Variants in ADGRE1 observed in about 807,000 individuals in gnomAD.
The protein encoded by ADGRE1 is adhesion G protein-coupled receptor E1, also known as EGF-like module receptor 1.
Under a neutral mutation model 102.7 loss-of-function variants are expected in ADGRE1, and 82 were observed. The observed-to-expected ratio is 0.80, with a 90% CI of 0.67 to 0.96. The LOEUF (loss-of-function observed/expected upper bound fraction) is 0.96, where lower values mean the gene tolerates loss of function less well. Among genes scored for constraint, ADGRE1 ranks in the 40% least tolerant of loss-of-function variants. The pLI, the probability that ADGRE1 is intolerant of heterozygous loss-of-function variation, is 0.00. For synonymous variants in ADGRE1, 398 were observed against 399.6 expected, an observed-to-expected ratio of 1.00 and a Z score of 0.05; for missense variants, 1,032 against 1,085.3, an observed-to-expected ratio of 0.95 and a Z score of 0.69.
At chr19:6,910,589 T>TG (rs1244036538) in intron 10 of ADGRE1, among the ~76,000 whole-genome samples, 2 of 136,502 alleles carry the variant, frequency 1.5e-5, no homozygotes, top group East Asian at 4.7e-4. Flanking sequence ...TTTTTTTTTT[T>TG]GAGATGGAGT....
chr19:6,898,581 T>C (rs1973656496), intron 5 of ADGRE1: 3 of 1,493,156 alleles, frequency 2.0e-6, no homozygotes, highest in Non-Finnish European at 2.8e-6. Context: ...TTCACTGCTT[T>C]GCAAATATCA....
rs1009164706 is a variant in ADGRE1 at position 6,921,554 on chromosome 19, G to A, written c.1621-159G>A. On this transcript the variant is annotated intron_variant, in intron 13 of 20. Transcript: ENST00000312053. ...CAATGTGAGCTGCCCTATCAGATTG[G>A]CCCTCACTGCATAATGAAATACCAG... 5.3e-5 allele frequency among the ~76,000 whole-genome samples: 8 copies of A among 152,154 alleles called. No individual in the cohort carries two copies. In the East Asian group the frequency reaches 7.7e-4, roughly 15 times the overall value.
At chr19:6,898,699 T>G in intron 5 of ADGRE1, 1 of 908,786 alleles carries the variant, frequency 1.1e-6, no homozygotes, top group Non-Finnish European at 1.7e-6. Flanking sequence ...AAACTCTATC[T>G]CTTTATTATT....
At position 6,937,596 on chromosome 19, in the gene ADGRE1, A is replaced by C; in HGVS notation, c.2603A>C (p.Gln868Pro). The C allele has an allele frequency of 6.2e-7, 1 of 1,614,182 alleles. No homozygotes were observed. Among genetic ancestry groups the C allele is most frequent in the Non-Finnish European group, 8.5e-7 (1 of 1,180,032 alleles). The part of the protein sequence containing the change: ...WITGKTKPSS[Q>P]SQTSRILLSS... ...ACTGGGAAGACGAAGCCCAGCTCCCAGTCCCAGACCTCAAGGATCTTGCTG... is the reference window on the plus strand; with the variant it reads ...ACTGGGAAGACGAAGCCCAGCTCCCCGTCCCAGACCTCAAGGATCTTGCTG... The change falls in exon 20 of 21, where the codon CAG becomes CCG. Residue 868 changes from glutamine (Q) to proline (P), a missense_variant. Coordinates refer to ENST00000312053, the MANE Select transcript of ADGRE1 (RefSeq NM_001974.5).
rs371487261 is a variant in ADGRE1, at chr19:6,919,266, C to T, written c.1421-282C>T. On this transcript the variant is annotated intron_variant, in intron 12 of 20. Coordinates refer to ENST00000312053, the MANE Select transcript of ADGRE1 (RefSeq NM_001974.5). ...CAGGATGGTCTCGATCTCCTGACCTCGTGATCCACCCGCCTTGGTCTCCCA... is the reference window on the plus strand; with the variant it reads ...CAGGATGGTCTCGATCTCCTGACCTTGTGATCCACCCGCCTTGGTCTCCCA... Among the ~76,000 whole-genome samples, 21 of 150,460 alleles carry T rather than the reference C, an allele frequency of 1.4e-4. No individual in the cohort carries two copies. The East Asian group carries it at 3.1e-3, about 23-fold the overall frequency.
chr19:6,910,873 C>T (rs1974151260), intron 10 of ADGRE1, among the ~76,000 whole-genome samples: 1 of 152,040 alleles, frequency 6.6e-6, no homozygotes, highest in African/African-American at 2.4e-5. Flanking sequence ...ACACCCAGCC[C>T]CAACTCTTTA....
Position 6,919,746 on chromosome 19 carries a change from A to C in ADGRE1, c.1619A>C (p.Gln540Pro). The change falls in exon 13 of 21, where the codon CAG becomes CCG. Residue 540 changes from glutamine (Q) to proline (P), a missense_variant and splice_region_variant. Gln to Pro is a moderately conservative substitution (Grantham distance 76). Coordinates refer to ENST00000312053, the MANE Select transcript of ADGRE1 (RefSeq NM_001974.5). ...ATCATCTACACTCTGGAGAACATTC[A>C]GGTTTGTGAAGAGGTCTCTACTGAG... ...DPIIYTLENI[Q>P]PKQKFERPIC... 1 of 1,613,234 alleles carries C rather than the reference A, an allele frequency of 6.2e-7. No individual in the cohort carries two copies. Among genetic ancestry groups the C allele is most frequent in the South Asian group, 1.1e-5 (1 of 91,062 alleles).
intron 2 of ADGRE1, 91 bp downstream of exon 2, chr19:6,890,634 A>G (rs1973334643): frequency 5.1e-6 from 7 of 1,382,156 alleles, no homozygotes; most frequent in Non-Finnish European, 5.0e-6. Context: ...CCTCATCCAG[A>G]TGCTTGCTGG....
intron 14 of ADGRE1, among the ~76,000 whole-genome samples, chr19:6,923,799 T>A: frequency 8.7e-6 from 1 of 114,816 alleles, no homozygotes; most frequent in African/African-American, 3.3e-5. Flanking sequence ...CAGCCTCCCA[T>A]AAGTGCTGGG....
intron 3 of ADGRE1, 122 bp downstream of exon 3, chr19:6,896,663 T>C: frequency 8.7e-7 from 1 of 1,147,174 alleles, no homozygotes; most frequent in South Asian, 1.6e-5. Flanking sequence ...TTTAACTATA[T>C]ATTTTAAGTG....
intron 4 of ADGRE1, 27 bp downstream of exon 4, chr19:6,897,331 G>T (rs1973597317): frequency 6.2e-7 from 1 of 1,613,040 alleles, no homozygotes; most frequent in Non-Finnish European, 8.5e-7. Flanking sequence ...CCCAGGGATG[G>T]GTCTTGGGTG....
In ADGRE1 at chr19:6,926,575, G is replaced by A; in HGVS notation, c.2196G>A (p.Gln732=). ...MLVVVISASV[Q]PQGYGMHNRC... is the part of the protein sequence containing the mutation. ...TGGTGGTGATCTCTGCCAGTGTGCA[G>A]CCACAGGGCTATGGAATGCATAATC... The change falls in exon 16 of 21, where the codon CAG becomes CAA. Residue 732 remains glutamine, a synonymous_variant. Coordinates refer to ENST00000312053, the MANE Select transcript of ADGRE1 (RefSeq NM_001974.5). The A allele has an allele frequency of 6.2e-7, 1 of 1,614,226 alleles. No homozygotes were observed. The highest frequency in any genetic ancestry group is 8.5e-7 in the Non-Finnish European group (1 of 1,180,050).
At chr19:6,932,236 AG>A (rs1975186312) in intron 17 of ADGRE1, among the ~76,000 whole-genome samples, 1 of 152,138 alleles carries the variant, frequency 6.6e-6, no homozygotes, top group Admixed American at 6.5e-5. Flanking sequence ...TGGGAGGCTG[AG>A]GCAGGCGGAT....
chr19:6,908,643 C>A (rs749357068), intron 9 of ADGRE1, 46 bp from the exon 10 acceptor site: 3 of 1,477,818 alleles, frequency 2.0e-6, no homozygotes, highest in Middle Eastern at 1.8e-4. Flanking sequence ...GGGAATACAT[C>A]GATTCATGCT....
chr19:6,922,610 T>TCA (rs1491300878), intron 14 of ADGRE1, among the ~76,000 whole-genome samples: 1,713 of 119,878 alleles, frequency 0.014, 35 homozygotes, highest in African/African-American at 0.047. Flanking sequence ...TGAGACTCTG[T>TCA]CTCACACACA....
At chr19:6,936,481 A>G (rs1345239005) in intron 18 of ADGRE1, among the ~76,000 whole-genome samples, 2 of 152,036 alleles carry the variant, frequency 1.3e-5, no homozygotes, top group African/African-American at 4.8e-5. Context: ...TGATACATAC[A>G]CATACTCATA....
chr19:6,937,215 C>A (rs779413458), intron 18 of ADGRE1, 28 bp from the exon 19 acceptor site: 4 of 1,601,906 alleles, frequency 2.5e-6, no homozygotes, highest in Non-Finnish European at 3.4e-6. Context: ...CCTCCCAGAG[C>A]CTTACATGCT....
At position 6,917,295 on chromosome 19, in the gene ADGRE1, C is replaced by T. The variant is rs142829145; in HGVS notation, c.1420+927C>T. On this transcript the variant is annotated intron_variant, in intron 12 of 20. Transcript: ENST00000312053. ...GTGCAATATGGAAGAGCTATTTAAGCGAAGTCCTGAGGAATAGGTAGAGAA... is the reference window on the plus strand; with the variant it reads ...GTGCAATATGGAAGAGCTATTTAAGTGAAGTCCTGAGGAATAGGTAGAGAA... 3.5e-3 allele frequency among the ~76,000 whole-genome samples: 539 copies of T among 152,124 alleles called. 5 individuals carry two copies. The highest frequency in any genetic ancestry group is 0.012 in the African/African-American group (511 of 41,492).
At chr19:6,914,054 A>G (rs1026816992) in intron 11 of ADGRE1, among the ~76,000 whole-genome samples, 1 of 152,224 alleles carries the variant, frequency 6.6e-6, no homozygotes, top group Non-Finnish European at 1.5e-5. Flanking sequence ...AATTTATTCT[A>G]CAAATATTTG....
Sources: gnomAD v4.1 joint callset for allele counts (sites outside exome capture counted in the v4.1 genomes callset) on GRCh38, gnomAD v4.1.1 for gene constraint, MANE v1.5 for transcripts, NCBI Gene and HGNC (gene_info 2026-07-23, HGNC 2026-07-21) for gene names.